PROX2: variants seen among roughly 807,000 people sequenced by gnomAD.
PROX2 encodes the protein prospero homeobox 2.
A neutral mutation model predicts 48.9 loss-of-function variants in PROX2; 46 were observed. The ratio of observed to expected loss-of-function variants is 0.94; its 90% CI spans 0.74 to 1.20. PROX2 has a LOEUF of 1.20. PROX2 is among the 50% of genes most tolerant of loss of function. The pLI, the probability that PROX2 is intolerant of heterozygous loss-of-function variation, is 0.00. For synonymous variants in PROX2, 260 were observed against 276.6 expected (o/e 0.94, Z 0.60); for missense variants, 663 against 719.4 (o/e 0.92, Z 0.90).
Position 74,875,979 on chromosome 14 carries a change from C to T in PROX2, c.-394G>A, listed in dbSNP as rs968290425. On this transcript the variant is annotated 5_prime_UTR_variant, in exon 1 of 6. Coordinates refer to ENST00000556489, the MANE Select transcript of PROX2 (RefSeq NM_001243007.2). ...ACTCTAGAAGACGGAGCAGCCCACT[C>T]TTCACCAGCCCTGGGCAGACAGAGC... 1.3e-5 allele frequency among the ~76,000 whole-genome samples: 2 copies of T among 152,246 alleles called. No homozygotes were observed. The highest frequency in any genetic ancestry group is 2.9e-5 in the Non-Finnish European group (2 of 68,042).
intron 1 of PROX2, among the ~76,000 whole-genome samples, chr14:74,874,949 A>C (rs905646182): frequency 6.6e-6 from 1 of 151,996 alleles, no homozygotes; most frequent in Non-Finnish European, 1.5e-5. Flanking sequence ...GTTTGAGACC[A>C]TCCTGGCCAA....
rs781299088 is a variant in PROX2 at position 74,863,345 on chromosome 14, C to T, written c.490G>A (p.Gly164Arg). 63 of 1,613,954 alleles carry T rather than the reference C, an allele frequency of 3.9e-5. 2 individuals carry two copies. The highest frequency in any genetic ancestry group is 5.0e-5 in the Non-Finnish European group (59 of 1,179,908). ...AKPRDTAQGP[G>R]GCGTGKGPLS... ...GGGCCTTTCCCCGTGCCACAGCCTC[C>T]TGGCCCCTGAGCTGTGTCCCTGGGC... The change falls in exon 3 of 6, where the codon GGA becomes AGA. Residue 164 changes from glycine (G) to arginine (R), a missense_variant. By Grantham distance (125) the Gly-to-Arg change is moderately radical. Transcript: ENST00000556489.
At chr14:74,872,206 A>T (rs1250814949) in intron 1 of PROX2, among the ~76,000 whole-genome samples, 1 of 152,258 alleles carries the variant, frequency 6.6e-6, no homozygotes, top group Non-Finnish European at 1.5e-5. Context: ...ATGCTAACTC[A>T]TTCTCATCAC....
At chr14:74,861,202 T>C (rs2091792768) in intron 3 of PROX2, 9 of 1,352,716 alleles carry the variant, frequency 6.7e-6, no homozygotes, top group Non-Finnish European at 8.8e-6. Flanking sequence ...AGGACACGAC[T>C]GTTCCCACCT....
rs1181269630 is a variant in PROX2, at chr14:74,855,307, A to T, written c.1609-5T>A. On this transcript the variant is annotated splice_polypyrimidine_tract_variant and splice_region_variant and intron_variant, in intron 5 of 5. Transcript: ENST00000556489. ...TTCCAAGAAGCAATCTGGAACCTGCATTTCCAAAGAGACCCACAAGAAAGA... is the reference window on the plus strand; with the variant it reads ...TTCCAAGAAGCAATCTGGAACCTGCTTTTCCAAAGAGACCCACAAGAAAGA... The T allele has an allele frequency of 6.5e-7, 1 of 1,541,286 alleles. No individual in the cohort carries two copies. The highest frequency in any genetic ancestry group is 2.3e-5 in the East Asian group (1 of 43,408).
chr14:74,873,553 C>T (rs1354035632), intron 1 of PROX2: 3 of 220,418 alleles, frequency 1.4e-5, no homozygotes, highest in Non-Finnish European at 2.7e-5. Context: ...GGCTGGTCTC[C>T]AGATTTTTAT....
At chr14:74,868,663 T>C (rs1371814387) in intron 2 of PROX2, among the ~76,000 whole-genome samples, 1 of 150,642 alleles carries the variant, frequency 6.6e-6, no homozygotes. Context: ...TGAAACCCCG[T>C]CTCTACTAAA....
chr14:74,874,171 G>A (rs1393841318), intron 1 of PROX2: 1 of 491,080 alleles, frequency 2.0e-6, no homozygotes, highest in Non-Finnish European at 4.1e-6. Flanking sequence ...CAGAGAACAT[G>A]TTGAAAAGAA....
intron 2 of PROX2, 39 bp from the exon 3 acceptor site, chr14:74,864,047 T>C (rs2140169863): frequency 2.3e-6 from 1 of 431,240 alleles, no homozygotes; most frequent in Non-Finnish European, 3.9e-6. Context: ...ACGTGTGACT[T>C]TGAACAGTCC....
intron 3 of PROX2, 76 bp from the exon 4 acceptor site, chr14:74,858,590 G>T: frequency 1.3e-6 from 1 of 780,488 alleles, no homozygotes; most frequent in East Asian, 2.8e-5. Context: ...TTGTTCCTGT[G>T]GTTTCTATTT....
rs765490920 is a variant in PROX2, at chr14:74,862,522, A to C, written c.1305+8T>G. 6.2e-7 allele frequency: 1 copy of C among 1,607,786 alleles called. No homozygotes were observed. The highest frequency in any genetic ancestry group is 1.1e-5 in the South Asian group (1 of 90,156). ...ACAATGAGAACTTCAATTGCTATTA[A>C]AGGATATGTGGACCAAAGAGAAAGG... On this transcript the variant is annotated splice_region_variant and intron_variant, in intron 3 of 5. Transcript: ENST00000556489.
Position 74,863,118 on chromosome 14 carries a change from G to C in PROX2, c.717C>G (p.Asp239Glu). 1.9e-6 allele frequency: 3 copies of C among 1,614,012 alleles called. No individual in the cohort carries two copies. The highest frequency in any genetic ancestry group is 2.5e-6 in the Non-Finnish European group (3 of 1,179,884). Reference protein sequence around the residue: ...ELTRAVSQAVDSVLQKVLLDP... With the variant: ...ELTRAVSQAVESVLQKVLLDP... The stretch of plus-strand genomic sequence containing the variant: ...CCAATAGTACCTTTTGTAATACCGA[G>C]TCCACAGCCTGGGACACTGCCCTGG... Residue 239 changes from aspartate (D) to glutamate (E), a missense_variant, in exon 3 of 6, where the codon GAC becomes GAG. Coordinates refer to ENST00000556489, the MANE Select transcript of PROX2 (RefSeq NM_001243007.2).
rs367974406 is a variant in PROX2 at position 74,863,272 on chromosome 14, A to T, written c.563T>A (p.Val188Glu). ...GGTACCTTGCTGGTGGTCACCGTCCACAACCCAGGGGCGAGGCCCACAGCC... is the reference window on the plus strand; with the variant it reads ...GGTACCTTGCTGGTGGTCACCGTCCTCAACCCAGGGGCGAGGCCCACAGCC... ...GNGCGPRPWV[V>E]DGDHQQGTSK... is the part of the protein sequence containing the mutation. Residue 188 changes from valine (V) to glutamate (E), a missense_variant, in exon 3 of 6, where the codon GTG becomes GAG. Physicochemically the swap from Val to Glu is moderately radical, Grantham distance 121 (BLOSUM62 -2). Transcript: ENST00000556489. 2.5e-6 allele frequency: 4 copies of T among 1,613,824 alleles called. No individual in the cohort carries two copies. The highest frequency in any genetic ancestry group is 2.5e-6 in the Non-Finnish European group (3 of 1,179,864).
At chr14:74,874,180 A>G in intron 1 of PROX2, 1 of 481,756 alleles carries the variant, frequency 2.1e-6, no homozygotes. Flanking sequence ...TGTTGAAAAG[A>G]AAGCTGCAGA....
chr14:74,856,521 T>G, intron 5 of PROX2: 1 of 364,368 alleles, frequency 2.7e-6, no homozygotes, highest in Non-Finnish European at 5.0e-6. Context: ...TTATGTAACT[T>G]GATAATGACA....
intron 1 of PROX2, among the ~76,000 whole-genome samples, chr14:74,875,502 G>A (rs372849342): frequency 6.6e-6 from 1 of 152,178 alleles, no homozygotes; most frequent in Admixed American, 6.5e-5. Context: ...TAGGAGGTCT[G>A]GGCACTACTC....
In PROX2 at chr14:74,853,316, A is replaced by T. The variant is rs2091718556; in HGVS notation, c.*1816T>A. On this transcript the variant is annotated 3_prime_UTR_variant, in exon 6 of 6. Coordinates refer to ENST00000556489, the MANE Select transcript of PROX2 (RefSeq NM_001243007.2). ...ACTTAGGTATGTAATGTCACTCTGG[A>T]TAGAGGGTTCTTCTACTATGTCCGG... The T allele has an allele frequency of 6.6e-6, 1 of 152,188 alleles. No individual in the cohort carries two copies. The highest frequency in any genetic ancestry group is 2.1e-4 in the South Asian group (1 of 4,834). The allele number at this position is 152,188 out of a possible 1,614,324, so 9.4% of individuals were successfully genotyped here. A position where few individuals can be genotyped will look rare whatever the true frequency, so the allele number is the denominator to read the frequency against.
intron 4 of PROX2, chr14:74,857,424 G>A (rs1037939128): frequency 6.4e-6 from 1 of 156,136 alleles, no homozygotes; most frequent in Non-Finnish European, 1.4e-5. Context: ...TAGCAACTTT[G>A]AATTGTGGAA....
intron 1 of PROX2, among the ~76,000 whole-genome samples, chr14:74,874,794 T>G (rs934176017): frequency 3.3e-5 from 5 of 152,212 alleles, no homozygotes; most frequent in Non-Finnish European, 7.3e-5. Flanking sequence ...CTACCATCAC[T>G]TTTATTTCCT....
Sources: allele counts gnomAD v4.1 joint callset (sites outside exome capture counted in the v4.1 genomes callset), GRCh38; gene constraint gnomAD v4.1.1; transcripts MANE v1.5; gene names NCBI Gene and HGNC (gene_info 2026-07-23, HGNC 2026-07-21).